Variants in SMO observed in about 807,000 individuals in gnomAD.
SMO encodes the protein protein smoothened.
SMO carries 40 observed loss-of-function variants against 81.6 expected under a neutral mutation model. The ratio of observed to expected loss-of-function variants is 0.49; its 90% CI spans 0.38 to 0.64. The LOEUF is 0.64. Ranked by LOEUF, SMO falls within the 30% of genes least tolerant of loss-of-function variation. The pLI is 0.00. For synonymous variants in SMO, 434 were observed against 432.1 expected, an observed-to-expected ratio of 1.00 and a Z score of -0.05; for missense variants, 916 against 1,061.1, an observed-to-expected ratio of 0.86 and a Z score of 1.90.
intron 1 of SMO, 94 bp from the exon 2 acceptor site, chr7:129,203,290 G>A (rs1793699259): frequency 2.2e-6 from 2 of 907,512 alleles, no homozygotes; most frequent in South Asian, 1.6e-5. Context: ...GTGATGGGCT[G>A]CAGTGTGGCA....
intron 1 of SMO, among the ~76,000 whole-genome samples, chr7:129,192,971 T>C (rs140791593): frequency 6.2e-4 from 95 of 152,268 alleles, no homozygotes; most frequent in African/African-American, 2.2e-3. Flanking sequence ...GTTGGTCCAA[T>C]TTCTAGGTCT....
Position 129,212,978 on chromosome 7 carries a change from G to A in SMO, c.*527G>A. 1 of 264,618 alleles carries A rather than the reference G, an allele frequency of 3.8e-6. No homozygotes were observed. Among genetic ancestry groups the A allele is most frequent in the Non-Finnish European group, 7.2e-6 (1 of 138,866 alleles). 16.4% of individuals were successfully genotyped at this position (264,618 alleles called of 1,614,324 possible). On this transcript the variant is annotated 3_prime_UTR_variant, in exon 12 of 12. Transcript: ENST00000249373. This position sits in a 1 kb window ranked among gnomAD's most constrained non-coding sequence, Gnocchi z 5.0. ...CGTATTCCTCTCCCAGGTGTTTGTG[G>A]GGCTGGAAGGACCTGCTCCCACAGG...
chr7:129,211,247 C>A lies in SMO; in HGVS notation c.1801+134C>A. Reference sequence around the variant, plus strand: ...GGAGCAAGGCGCTCCCTCCATCGCTCACACACCCATTCTTCCCCCGGCCCC... The same window carrying A: ...GGAGCAAGGCGCTCCCTCCATCGCTAACACACCCATTCTTCCCCCGGCCCC... On this transcript the variant is annotated intron_variant, in intron 10 of 11. Transcript: ENST00000249373. This position sits in a 1 kb window ranked among gnomAD's most constrained non-coding sequence, Gnocchi z 4.6. The A allele has an allele frequency of 2.1e-6, 2 of 963,964 alleles. No homozygotes were observed. The highest frequency in any genetic ancestry group is 1.4e-5 in the South Asian group (1 of 71,308). 59.7% of individuals were successfully genotyped at this position (963,964 alleles called of 1,614,324 possible). A position where few individuals can be genotyped will look rare whatever the true frequency, so the allele number is the denominator to read the frequency against.
intron 6 of SMO, among the ~76,000 whole-genome samples, chr7:129,207,665 G>C (rs1215637283): frequency 6.6e-6 from 1 of 152,124 alleles, no homozygotes; most frequent in African/African-American, 2.4e-5. Context: ...AGGCTGAGAC[G>C]GACGGATCAC....
Position 129,208,645 on chromosome 7 carries a change from CA to C in SMO, c.1265-113del. 1 of 663,594 alleles carries C rather than the reference CA, an allele frequency of 1.5e-6. No homozygotes were observed. Among genetic ancestry groups the C allele is most frequent in the Non-Finnish European group, 2.8e-6 (1 of 361,064 alleles). The allele number at this position is 663,594 out of a possible 1,614,324, so 41.1% of individuals were successfully genotyped here. A position where few individuals can be genotyped will look rare whatever the true frequency, so the allele number is the denominator to read the frequency against. On this transcript the variant is annotated intron_variant, in intron 6 of 11. Coordinates refer to ENST00000249373, the MANE Select transcript of SMO (RefSeq NM_005631.5). This position sits in a 1 kb window ranked among gnomAD's most constrained non-coding sequence, Gnocchi z 5.2. ...TAGCTCCCCAGGTTTTCATTTAGCA[CA>C]GGGGTAATCAGACTTGGGACTCCAG...
chr7:129,191,194 T>G (rs1793476584), intron 1 of SMO, among the ~76,000 whole-genome samples: 1 of 152,240 alleles, frequency 6.6e-6, no homozygotes, highest in Non-Finnish European at 1.5e-5. Flanking sequence ...TTTCCCAAGT[T>G]AAATGCATGT....
chr7:129,202,708 C>A (rs902786947), intron 1 of SMO, among the ~76,000 whole-genome samples: 7 of 152,142 alleles, frequency 4.6e-5, no homozygotes, highest in African/African-American at 1.7e-4. Context: ...TCTTCTTAAG[C>A]CCCCATCTCT....
Position 129,208,763 on chromosome 7 carries a change from C to G in SMO, c.1269C>G (p.Val423=), listed in dbSNP as rs756496151. ...IVGGYFLIRG[V]MTLFSIKSNH... ...TGAGGTCCCCCTTCTGTTCAGGAGT[C>G]ATGACTCTGTTCTCCATCAAGAGCA... Residue 423 remains valine, a synonymous_variant, in exon 7 of 12, where the codon GTC becomes GTG. Transcript: ENST00000249373. This position sits in a 1 kb window ranked among gnomAD's most constrained non-coding sequence, Gnocchi z 5.2. 7 of 1,610,664 alleles carry G rather than the reference C, an allele frequency of 4.3e-6. No individual in the cohort carries two copies. The highest frequency in any genetic ancestry group is 5.1e-6 in the Non-Finnish European group (6 of 1,176,976).
At chr7:129,191,779 G>A (rs73475697) in intron 1 of SMO, among the ~76,000 whole-genome samples, 10,615 of 152,194 alleles carry the variant, frequency 0.07, 434 homozygotes, top group Middle Eastern at 0.1. Flanking sequence ...CTTGAATGTA[G>A]GAACTGGGTC....
intron 1 of SMO, among the ~76,000 whole-genome samples, chr7:129,193,752 C>A (rs1793514898): frequency 2.2e-5 from 1 of 45,878 alleles, no homozygotes; most frequent in Non-Finnish European, 3.6e-5. Flanking sequence ...GACCGAGACT[C>A]CATCTCAAAA....
In SMO at chr7:129,212,223, C is replaced by G. The variant is rs2150656812; in HGVS notation, c.2136C>G (p.Cys712Trp). 6.3e-7 allele frequency: 1 copy of G among 1,583,174 alleles called. No homozygotes were observed. Among genetic ancestry groups the G allele is most frequent in the Non-Finnish European group, 8.6e-7 (1 of 1,164,542 alleles). ...PRLPQLPRQKCLVAAGAWGAG... is the reference protein window; with the variant it reads ...PRLPQLPRQKWLVAAGAWGAG... ...TGCCTCAGCTGCCCCGGCAGAAATG[C>G]CTGGTGGCTGCAGGTGCCTGGGGAG... The change falls in exon 12 of 12, where the codon TGC becomes TGG. Residue 712 changes from cysteine to tryptophan, a missense_variant. Physicochemically the swap from Cys to Trp is radical, Grantham distance 215 (BLOSUM62 -2). Coordinates refer to ENST00000249373, the MANE Select transcript of SMO (RefSeq NM_005631.5). The surrounding 1 kb of genome is among the most constrained non-coding windows in gnomAD (Gnocchi z 5.0).
rs2150656624 is a variant in SMO at position 129,212,167 on chromosome 7, C to T, written c.2080C>T (p.Pro694Ser). ...GGCGCCGCCCCCTGAGCTTCACCCC[C>T]CTGCCCCTGCCCCCAGTACCATTCC... Reference protein sequence around the residue: ...PLAPPPELHPPAPAPSTIPRL... With the variant: ...PLAPPPELHPSAPAPSTIPRL... The change falls in exon 12 of 12, where the codon CCT becomes TCT. Residue 694 changes from proline (P) to serine (S), a missense_variant. Coordinates refer to ENST00000249373, the MANE Select transcript of SMO (RefSeq NM_005631.5). This position sits in a 1 kb window ranked among gnomAD's most constrained non-coding sequence, Gnocchi z 5.0. 6.4e-7 allele frequency: 1 copy of T among 1,555,106 alleles called. No homozygotes were observed. Among genetic ancestry groups the T allele is most frequent in the Non-Finnish European group, 8.7e-7 (1 of 1,149,092 alleles).
Position 129,206,083 on chromosome 7 carries a change from G to A in SMO, c.921-67G>A, listed in dbSNP as rs548512228. 1 of 1,300,740 alleles carries A rather than the reference G, an allele frequency of 7.7e-7. No individual in the cohort carries two copies. The highest frequency in any genetic ancestry group is 1.5e-5 in the African/African-American group (1 of 67,980). The allele number at this position is 1,300,740 out of a possible 1,614,324, so 80.6% of individuals were successfully genotyped here. A position where few individuals can be genotyped will look rare whatever the true frequency, so the allele number is the denominator to read the frequency against. ...TCAGCAGCTGAGGGTCTGGGCACAGGGTGGGGAGACCAGGTAGAGGGAGTA... is the reference window on the plus strand; with the variant it reads ...TCAGCAGCTGAGGGTCTGGGCACAGAGTGGGGAGACCAGGTAGAGGGAGTA... On this transcript the variant is annotated intron_variant, in intron 4 of 11. Coordinates refer to ENST00000249373, the MANE Select transcript of SMO (RefSeq NM_005631.5). This position sits in a 1 kb window ranked among gnomAD's most constrained non-coding sequence, Gnocchi z 4.4.
At position 129,210,959 on chromosome 7, in the gene SMO, T is replaced by C. The variant is rs376319818; in HGVS notation, c.1653-6T>C. On this transcript the variant is annotated splice_polypyrimidine_tract_variant and splice_region_variant and intron_variant, in intron 9 of 11. Coordinates refer to ENST00000249373, the MANE Select transcript of SMO (RefSeq NM_005631.5). This position sits in a 1 kb window ranked among gnomAD's most constrained non-coding sequence, Gnocchi z 4.7. ...CACGCTCCTTCCCTATCCCTTCTGCTCTCAGGTTGACTGGGCAGAGTGACG... is the reference window on the plus strand; with the variant it reads ...CACGCTCCTTCCCTATCCCTTCTGCCCTCAGGTTGACTGGGCAGAGTGACG... The C allele has an allele frequency of 4.4e-6, 7 of 1,601,734 alleles. No individual in the cohort carries two copies. In the African/African-American group the frequency reaches 9.4e-5, roughly 21 times the overall value.
chr7:129,211,785 G>A lies in SMO; in HGVS notation c.1936+15G>A, dbSNP rs753456364. ...GGCAACTCCAGGTATGAGAGTTCAA[G>A]CTTCTGGAGGAAGGTGGGGGGAGCA... On this transcript the variant is annotated intron_variant, in intron 11 of 11. Coordinates refer to ENST00000249373, the MANE Select transcript of SMO (RefSeq NM_005631.5). The surrounding 1 kb of genome is among the most constrained non-coding windows in gnomAD (Gnocchi z 4.6). The A allele has an allele frequency of 1.2e-6, 2 of 1,613,956 alleles. No individual in the cohort carries two copies. Among genetic ancestry groups the A allele is most frequent in the Admixed American group, 1.7e-5 (1 of 60,022 alleles).
rs2150648528 is a variant in SMO at position 129,205,385 on chromosome 7, C to G, written c.720C>G (p.Val240=). Residue 240 remains valine (V), a synonymous_variant, in exon 3 of 12, where the codon GTC becomes GTG. Coordinates refer to ENST00000249373, the MANE Select transcript of SMO (RefSeq NM_005631.5). ...MHSYIAAFGA[V]TGLCTLFTLA... ...GCTACATCGCGGCCTTCGGGGCCGT[C>G]ACGGGCCTCTGCACGCTCTTCACCC... 1 of 1,611,660 alleles carries G rather than the reference C, an allele frequency of 6.2e-7. No individual in the cohort carries two copies. Among genetic ancestry groups the G allele is most frequent in the East Asian group, 2.2e-5 (1 of 44,744 alleles).
chr7:129,189,239 G>T lies in SMO; in HGVS notation c.88G>T (p.Ala30Ser), dbSNP rs1232615391. 8.3e-7 allele frequency: 1 copy of T among 1,197,810 alleles called. No homozygotes were observed. Among genetic ancestry groups the T allele is most frequent in the Non-Finnish European group, 1.0e-6 (1 of 957,476 alleles). 74.2% of individuals were successfully genotyped at this position (1,197,810 alleles called of 1,614,324 possible). Reference sequence around the variant, plus strand: ...GCTGCTGGGGGACCCGGGCCGGGGGGCGGCCTCGAGCGGGAACGCGACCGG... The same window carrying T: ...GCTGCTGGGGGACCCGGGCCGGGGGTCGGCCTCGAGCGGGAACGCGACCGG... ...LLLLGDPGRG[A>S]ASSGNATGPG... The change falls in exon 1 of 12, where the codon GCG (alanine) becomes TCG (serine). Residue 30 changes from alanine (A) to serine (S), a missense_variant. This residue lies in a region of SMO where 146 missense variants were observed against 149.9 expected (regional missense o/e 0.97). Transcript: ENST00000249373. The surrounding 1 kb of genome is among the most constrained non-coding windows in gnomAD (Gnocchi z 4.7).
intron 3 of SMO, 52 bp downstream of exon 3, chr7:129,205,464 G>T (rs749190533): frequency 6.3e-7 from 1 of 1,578,762 alleles, no homozygotes; most frequent in Non-Finnish European, 8.7e-7. Flanking sequence ...AACGTGGGAA[G>T]AGAGCCAGAG....
intron 2 of SMO, among the ~76,000 whole-genome samples, chr7:129,204,227 G>A (rs903119259): frequency 6.6e-6 from 1 of 152,052 alleles, no homozygotes; most frequent in African/African-American, 2.4e-5. Flanking sequence ...CAGCTACTCG[G>A]GAGGCTGAGA....
Sources: allele counts gnomAD v4.1 joint callset (sites outside exome capture counted in the v4.1 genomes callset), GRCh38; gene constraint gnomAD v4.1.1; regional missense constraint gnomAD v4.1.1; non-coding constraint Gnocchi (gnomAD v3.1); transcripts MANE v1.5; gene names NCBI Gene and HGNC (gene_info 2026-07-23, HGNC 2026-07-21).